Variants in PLXNB3 observed in about 807,000 individuals in gnomAD.
PLXNB3 encodes the protein plexin-B3.
Under a neutral mutation model 125.7 loss-of-function variants are expected in PLXNB3, and 80 were observed. That is an observed-to-expected ratio of 0.64 (90% CI 0.53 to 0.77). The LOEUF is 0.77. Ranked by LOEUF, PLXNB3 falls within the 30% of genes least tolerant of loss-of-function variation. The pLI, the probability that PLXNB3 is intolerant of heterozygous loss-of-function variation, is 0.00. For synonymous variants in PLXNB3, 954 were observed against 783.3 expected, an observed-to-expected ratio of 1.22 and a Z score of -3.64; for missense variants, 1,836 against 1,729.3, an observed-to-expected ratio of 1.06 and a Z score of -1.09.
chrX:153,771,180 T>A, intron 12 of PLXNB3, 99 bp downstream of exon 12: 1 of 905,704 alleles, frequency 1.1e-6, no homozygotes, highest in Non-Finnish European at 1.6e-6. Context: ...CCATAACCTC[T>A]GTCTGTGGGC....
chrX:153,777,189 C>A lies in PLXNB3; in HGVS notation c.4928-19C>A. 2.7e-6 allele frequency: 3 copies of A among 1,129,543 alleles called. No individual in the cohort carries two copies. Among genetic ancestry groups the A allele is most frequent in the Non-Finnish European group, 3.5e-6 (3 of 850,376 alleles). The allele number at this position is 1,129,543 out of a possible 1,213,427, so 93.1% of individuals were successfully genotyped here. On this transcript the variant is annotated intron_variant, in intron 29 of 35. Transcript: ENST00000361971. ...GGGGCAGGGGGTATAGCCCTGAAGCCAGGCTCCTGTGCCCTCAGACATACC... is the reference window on the plus strand; with the variant it reads ...GGGGCAGGGGGTATAGCCCTGAAGCAAGGCTCCTGTGCCCTCAGACATACC...
At chrX:153,768,474 G>A (rs1011364613) in intron 4 of PLXNB3, 46 bp downstream of exon 4, 15 of 1,104,496 alleles carry the variant, frequency 1.4e-5, no homozygotes, top group Admixed American at 4.9e-5. Context: ...CCCTGGCCAC[G>A]GAGGCTCAGG....
intron 28 of PLXNB3, 132 bp from the exon 29 acceptor site, chrX:153,776,755 T>A: frequency 8.5e-6 from 2 of 236,063 alleles, no homozygotes; most frequent in Non-Finnish European, 6.7e-6. Context: ...AGGGCAGGGA[T>A]GGGGTGGGGC....
chrX:153,767,939 CCT>C (rs2091877584), intron 3 of PLXNB3, 26 bp downstream of exon 3: 8 of 1,077,945 alleles, frequency 7.4e-6, no homozygotes, highest in East Asian at 3.4e-5. Flanking sequence ...TTCCATCCCC[CCT>C]CTCTGTGGAT....
At position 153,765,485 on chromosome X, in the gene PLXNB3, G is replaced by A; in HGVS notation, c.-51G>A. 4 of 1,159,700 alleles carry A rather than the reference G, an allele frequency of 3.4e-6. No individual in the cohort carries two copies. Among genetic ancestry groups the A allele is most frequent in the Middle Eastern group, 2.3e-4 (1 of 4,261 alleles). ...CTCCCACTCAGGACAATGCCCCCCC[G>A]CAGCCATCTCATGCCCATCGCCACT... On this transcript the variant is annotated 5_prime_UTR_variant, in exon 2 of 36. Coordinates refer to ENST00000361971, the MANE Select transcript of PLXNB3 (RefSeq NM_005393.3).
At position 153,778,284 on chromosome X, in the gene PLXNB3, C is replaced by G; in HGVS notation, c.5433C>G (p.Leu1811=). 8.3e-7 allele frequency: 1 copy of G among 1,199,163 alleles called. No individual in the cohort carries two copies. The highest frequency in any genetic ancestry group is 1.1e-6 in the Non-Finnish European group (1 of 887,410). The part of the protein sequence containing the change: ...VGRDSPVNKL[L]YAREIPRYKQ... The stretch of plus-strand genomic sequence containing the variant: ...AGGATTCCCCAGTGAACAAACTGCT[C>G]TACGCCCGGGAGATCCCACGCTACA... Residue 1811 remains leucine, a synonymous_variant, in exon 33 of 36, where the codon CTC becomes CTG. Transcript: ENST00000361971.
At chrX:153,777,778 T>C (rs1196174631) in intron 31 of PLXNB3, 90 bp downstream of exon 31, 58 of 1,090,671 alleles carry the variant, frequency 5.3e-5, no homozygotes, top group Non-Finnish European at 6.9e-5. Flanking sequence ...TGCGCCCACC[T>C]GGGGTTTCTG....
intron 26 of PLXNB3, 83 bp from the exon 27 acceptor site, chrX:153,775,804 G>A (rs1348435091): frequency 9.0e-7 from 1 of 1,116,214 alleles, no homozygotes; most frequent in Non-Finnish European, 1.2e-6. Flanking sequence ...ACCCTCTCCG[G>A]GGCTGGAGAC....
rs2092007481 is a variant in PLXNB3, at chrX:153,777,219, C to A, written c.4939C>A (p.Leu1647Met). 2 of 1,156,053 alleles carry A rather than the reference C, an allele frequency of 1.7e-6. No individual in the cohort carries two copies. The highest frequency in any genetic ancestry group is 6.4e-5 in the East Asian group (2 of 31,046). Residue 1647 changes from leucine (L) to methionine (M), a missense_variant, in exon 30 of 36, where the codon CTG (leucine) becomes ATG (methionine). Coordinates refer to ENST00000361971, the MANE Select transcript of PLXNB3 (RefSeq NM_005393.3). Reference protein sequence around the residue: ...RCPLGENIPTLEDGEEGGVCL... With the variant: ...RCPLGENIPTMEDGEEGGVCL... Reference sequence around the variant, plus strand: ...TCCTGTGCCCTCAGACATACCCACGCTGGAGGATGGCGAGGAGGGGGGGGT... The same window carrying A: ...TCCTGTGCCCTCAGACATACCCACGATGGAGGATGGCGAGGAGGGGGGGGT...
chrX:153,767,019 C>A lies in PLXNB3; in HGVS notation c.192C>A (p.Gly64=), dbSNP rs2091866090. 8.3e-7 allele frequency: 1 copy of A among 1,211,202 alleles called. No homozygotes were observed. The highest frequency in any genetic ancestry group is 3.0e-5 in the East Asian group (1 of 33,849). ...LNHLALAPGR[G]TLYVGAVNRL... The stretch of plus-strand genomic sequence containing the variant: ...ACTTGGCACTGGCACCTGGCCGAGG[C>A]ACACTCTATGTCGGCGCAGTGAACC... Residue 64 remains glycine (G), a synonymous_variant, in exon 3 of 36, where the codon GGC becomes GGA. Transcript: ENST00000361971.
In PLXNB3 at chrX:153,767,295, G is replaced by A. The variant is rs782645350; in HGVS notation, c.468G>A (p.Glu156=). 2.5e-6 allele frequency: 3 copies of A among 1,206,333 alleles called. No individual in the cohort carries two copies. The highest frequency in any genetic ancestry group is 6.0e-5 in the East Asian group (2 of 33,594). The part of the protein sequence containing the change: ...GDVAEVLYQA[E]DPGDGQFVAA... ...TGGCCGAGGTGCTGTACCAGGCTGAGGACCCTGGTGACGGGCAGTTTGTGG... is the reference window on the plus strand; with the variant it reads ...TGGCCGAGGTGCTGTACCAGGCTGAAGACCCTGGTGACGGGCAGTTTGTGG... The change falls in exon 3 of 36, where the codon GAG becomes GAA. Residue 156 remains glutamate (E), a synonymous_variant. Transcript: ENST00000361971.
In PLXNB3 at chrX:153,776,142, G is replaced by A. The variant is rs1270580199; in HGVS notation, c.4657G>A (p.Glu1553Lys). 5 of 1,204,164 alleles carry A rather than the reference G, an allele frequency of 4.2e-6. No homozygotes were observed. The highest frequency in any genetic ancestry group is 3.0e-5 in the East Asian group (1 of 33,411). Residue 1553 changes from glutamate to lysine, a missense_variant, in exon 27 of 36, where the codon GAG becomes AAG. By Grantham distance (56) the Glu-to-Lys change is moderately conservative. Coordinates refer to ENST00000361971, the MANE Select transcript of PLXNB3 (RefSeq NM_005393.3). ...CACGGACACCATCACCCAGGTCAAG[G>A]AGAAGGTGTTGGACCAAGTCTACAA... Reference protein sequence around the residue: ...LDTDTITQVKEKVLDQVYKGT... With the variant: ...LDTDTITQVKKKVLDQVYKGT...
chrX:153,778,925 G>T lies in PLXNB3; in HGVS notation c.5626-10G>T. ...CAGGCTCAGACAGGCACCCTCCTCTGCCCGGGCAGATTATCAGTGCCCTGG... is the reference window on the plus strand; with the variant it reads ...CAGGCTCAGACAGGCACCCTCCTCTTCCCGGGCAGATTATCAGTGCCCTGG... On this transcript the variant is annotated splice_polypyrimidine_tract_variant and intron_variant, in intron 35 of 35. Coordinates refer to ENST00000361971, the MANE Select transcript of PLXNB3 (RefSeq NM_005393.3). The T allele has an allele frequency of 8.7e-7, 1 of 1,151,784 alleles. No homozygotes were observed. The highest frequency in any genetic ancestry group is 2.7e-5 in the Admixed American group (1 of 36,891). The allele number at this position is 1,151,784 out of a possible 1,213,427, so 94.9% of individuals were successfully genotyped here. A position where few individuals can be genotyped will look rare whatever the true frequency, so the allele number is the denominator to read the frequency against.
Position 153,773,846 on chromosome X carries a change from G to A in PLXNB3, c.3280-13G>A. The A allele has an allele frequency of 8.3e-7, 1 of 1,210,842 alleles. No individual in the cohort carries two copies. The highest frequency in any genetic ancestry group is 1.1e-6 in the Non-Finnish European group (1 of 895,420). On this transcript the variant is annotated splice_polypyrimidine_tract_variant and intron_variant, in intron 19 of 35. Transcript: ENST00000361971. ...GCTCACTCCACCTGTGGTCGGCCCT[G>A]AATGCCCCACAGTGCTCCACCGTCT... is the stretch of plus-strand genomic sequence containing the variant.
intron 35 of PLXNB3, 61 bp downstream of exon 35, chrX:153,778,735 C>G: frequency 8.8e-7 from 1 of 1,137,663 alleles, no homozygotes; most frequent in Non-Finnish European, 1.2e-6. Flanking sequence ...TGGACCCTCC[C>G]GGGGGAGCAG....
chrX:153,774,671 C>CG, intron 22 of PLXNB3, 35 bp from the exon 23 acceptor site: 2 of 1,149,544 alleles, frequency 1.7e-6, no homozygotes, highest in Non-Finnish European at 2.3e-6. Context: ...ATGCTGGCCC[C>CG]GGCCCTGGCT....
chrX:153,774,649 C>T lies in PLXNB3; in HGVS notation c.3831-57C>T, dbSNP rs1569542086. 21 of 1,149,379 alleles carry T rather than the reference C, an allele frequency of 1.8e-5. No individual in the cohort carries two copies. In the Middle Eastern group the frequency reaches 1.2e-3, roughly 67 times the overall value. The allele number at this position is 1,149,379 out of a possible 1,213,427, so 94.7% of individuals were successfully genotyped here. ...CCCTGGCAGGCGGCTGGCCTGGCCC[C>T]GGCCCTGGCTGATGCTGGCCCCGGC... is the stretch of plus-strand genomic sequence containing the variant. On this transcript the variant is annotated intron_variant, in intron 22 of 35. Transcript: ENST00000361971.
At chrX:153,774,840 G>A (rs782147190) in intron 23 of PLXNB3, 34 bp downstream of exon 23, 5 of 1,209,381 alleles carry the variant, frequency 4.1e-6, no homozygotes, top group East Asian at 5.9e-5. Flanking sequence ...GGGTACCCAC[G>A]AGGCCTGAAC....
rs782405462 is a variant in PLXNB3 at position 153,767,489 on chromosome X, G to A, written c.662G>A (p.Arg221His). The A allele has an allele frequency of 5.1e-5, 60 of 1,186,726 alleles. No individual in the cohort carries two copies. Among genetic ancestry groups the A allele is most frequent in the Non-Finnish European group, 6.5e-5 (57 of 882,529 alleles). The change falls in exon 3 of 36, where the codon CGC (arginine) becomes CAC (histidine). Residue 221 changes from arginine to histidine, a missense_variant. Coordinates refer to ENST00000361971, the MANE Select transcript of PLXNB3 (RefSeq NM_005393.3). ...SQPFSSEGLG[R>H]LVVGDFSDYN... Reference sequence around the variant, plus strand: ...CCCTTCTCCAGCGAGGGCCTGGGCCGCCTGGTGGTGGGCGACTTCTCCGAC... The same window carrying A: ...CCCTTCTCCAGCGAGGGCCTGGGCCACCTGGTGGTGGGCGACTTCTCCGAC...
Sources: allele counts gnomAD v4.1 joint callset, GRCh38; gene constraint gnomAD v4.1.1; transcripts MANE v1.5; gene names NCBI Gene and HGNC (gene_info 2026-07-23, HGNC 2026-07-21).